The following ACTR6 variants were observed in gnomAD, a reference collection of about 807,000 sequenced individuals.
The protein encoded by ACTR6 is actin-related protein 6.
In ACTR6, 50 loss-of-function variants were observed where a neutral mutation model predicts 52.5. The observed-to-expected ratio is 0.95, with a 90% CI of 0.76 to 1.20. ACTR6 has a LOEUF of 1.20. ACTR6 is among the 50% of genes most tolerant of loss of function. The pLI is 0.00. For synonymous variants in ACTR6, 135 were observed against 147.2 expected, an observed-to-expected ratio of 0.92 and a Z score of 0.60; for missense variants, 344 against 472.4, an observed-to-expected ratio of 0.73 and a Z score of 2.52.
In ACTR6 at chr12:100,212,432, C is replaced by G; in HGVS notation, c.672-18C>G. 1 of 1,608,466 alleles carries G rather than the reference C, an allele frequency of 6.2e-7. No individual in the cohort carries two copies. Among genetic ancestry groups the G allele is most frequent in the Non-Finnish European group, 8.5e-7 (1 of 1,175,154 alleles). ...CACATAATTAGAATGTTTCATAAAT[C>G]TCAATTTTGTTTTCCAGGTTGAAAG... On this transcript the variant is annotated intron_variant, in intron 7 of 10. Transcript: ENST00000188312.
intron 2 of ACTR6, 149 bp downstream of exon 2, chr12:100,205,206 A>C: frequency 2.3e-4 from 109 of 468,352 alleles, no homozygotes; most frequent in Middle Eastern, 6.1e-4. Context: ...GGTAAAAATA[A>C]ACGACCATGA....
intron 1 of ACTR6, among the ~76,000 whole-genome samples, chr12:100,204,728 G>C (rs943795336): frequency 2.0e-5 from 3 of 152,148 alleles, no homozygotes; most frequent in African/African-American, 7.2e-5. Context: ...TGAACTCCTG[G>C]TCTCAAGCAA....
At chr12:100,213,370 C>A (rs1024069716) in intron 8 of ACTR6, among the ~76,000 whole-genome samples, 1 of 152,094 alleles carries the variant, frequency 6.6e-6, no homozygotes, top group Non-Finnish European at 1.5e-5. Flanking sequence ...GGATTACAGG[C>A]GTGAGCCACA....
At chr12:100,211,969 T>C (rs2096120228) in intron 6 of ACTR6, among the ~76,000 whole-genome samples, 1 of 152,238 alleles carries the variant, frequency 6.6e-6, no homozygotes, top group Non-Finnish European at 1.5e-5. Context: ...CTATTCAGAA[T>C]GGTTTGCGGG....
rs2096125731 is a variant in ACTR6 at position 100,218,732 on chromosome 12, A to G, written c.922+146A>G. On this transcript the variant is annotated intron_variant, in intron 9 of 10. Transcript: ENST00000188312. The surrounding 1 kb of genome is among the most constrained non-coding windows in gnomAD (Gnocchi z 4.2). ...GATTTGTAGATCCCATAATGCATTT[A>G]TATAATTCTTGATTCATCTTTGATT... 2.2e-6 allele frequency: 1 copy of G among 460,396 alleles called. No homozygotes were observed. Among genetic ancestry groups the G allele is most frequent in the Non-Finnish European group, 3.5e-6 (1 of 281,838 alleles). The allele number at this position is 460,396 out of a possible 1,614,324, so 28.5% of individuals were successfully genotyped here.
chr12:100,202,950 A>G (rs745394575), intron 1 of ACTR6, among the ~76,000 whole-genome samples: 6 of 152,092 alleles, frequency 3.9e-5, no homozygotes, highest in East Asian at 1.9e-4. Context: ...GTGGAAGACA[A>G]TTTTAACGTG....
At chr12:100,216,057 C>T (rs569261803) in intron 8 of ACTR6, among the ~76,000 whole-genome samples, 26 of 152,310 alleles carry the variant, frequency 1.7e-4, no homozygotes, top group Non-Finnish European at 2.6e-4. Context: ...ATAATGAATT[C>T]GACTGACCTA....
rs1334583377 is a variant in ACTR6, at chr12:100,218,334, A to T, written c.751-81A>T. 6 of 885,386 alleles carry T rather than the reference A, an allele frequency of 6.8e-6. No individual in the cohort carries two copies. In the Admixed American group the frequency reaches 1.8e-4, roughly 27 times the overall value. 54.8% of individuals were successfully genotyped at this position (885,386 alleles called of 1,614,324 possible). ...TAATATATTATTAATATATTATTGC[A>T]TATATAATTGCATATTACTAATTAT... On this transcript the variant is annotated intron_variant, in intron 8 of 10. Coordinates refer to ENST00000188312, the MANE Select transcript of ACTR6 (RefSeq NM_022496.5). This position sits in a 1 kb window ranked among gnomAD's most constrained non-coding sequence, Gnocchi z 4.2.
chr12:100,211,773 G>A (rs1191396533), intron 6 of ACTR6, among the ~76,000 whole-genome samples: 2 of 152,040 alleles, frequency 1.3e-5, no homozygotes, highest in Admixed American at 1.3e-4. Flanking sequence ...CAGCACTTTG[G>A]GAGGTGGAAA....
intron 8 of ACTR6, among the ~76,000 whole-genome samples, chr12:100,215,412 G>A (rs2153900666): frequency 6.6e-6 from 1 of 152,278 alleles, no homozygotes; most frequent in Middle Eastern, 3.4e-3. Context: ...TAAGCCAGTA[G>A]AGGTGTGGTT....
At chr12:100,220,264 A>T in intron 10 of ACTR6, 118 bp downstream of exon 10, 1 of 970,118 alleles carries the variant, frequency 1.0e-6, no homozygotes, top group Admixed American at 2.4e-5. Flanking sequence ...CACCTGCTGA[A>T]TATTCATTTT....
Position 100,207,708 on chromosome 12 carries a change from AACTTC to A in ACTR6, c.308_312del (p.Thr103AsnfsTer7), listed in dbSNP as rs747703780. ...TATTATTATCACTGAACCATACTTTAACTTCACTTCAATTCAAGAATCAATGAATG... is the reference window on the plus strand; with the variant it reads ...TATTATTATCACTGAACCATACTTTAACTTCAATTCAAGAATCAATGAATG... On this transcript the variant is annotated frameshift_variant, in exon 4 of 11. Coordinates refer to ENST00000188312, the MANE Select transcript of ACTR6 (RefSeq NM_022496.5). LOFTEE classifies it high-confidence loss of function. 26 of 1,586,160 alleles carry A rather than the reference AACTTC, an allele frequency of 1.6e-5. No individual in the cohort carries two copies. In the Admixed American group the frequency reaches 2.4e-4, roughly 14 times the overall value.
intron 10 of ACTR6, among the ~76,000 whole-genome samples, chr12:100,220,795 G>A (rs1030494273): frequency 1.2e-4 from 18 of 152,110 alleles, no homozygotes; most frequent in African/African-American, 4.1e-4. Context: ...AGGAGATTGA[G>A]ACCAGCCTGG....
At chr12:100,206,834 CTT>C (rs757011274) in intron 3 of ACTR6, among the ~76,000 whole-genome samples, 26 of 128,762 alleles carry the variant, frequency 2.0e-4, no homozygotes, top group Admixed American at 3.9e-4. Flanking sequence ...ACACCTGGCT[CTT>C]TTTTTTTTTT....
At chr12:100,203,149 C>T (rs139480139) in intron 1 of ACTR6, among the ~76,000 whole-genome samples, 202 of 152,222 alleles carry the variant, frequency 1.3e-3, no homozygotes, top group African/African-American at 4.7e-3. Context: ...ATGCTTACGG[C>T]CCCACCCTCC....
intron 10 of ACTR6, among the ~76,000 whole-genome samples, chr12:100,221,033 A>T (rs2096127864): frequency 6.6e-6 from 1 of 152,008 alleles, no homozygotes; most frequent in East Asian, 1.9e-4. Flanking sequence ...AAAACAAAAA[A>T]AGAAGGTAGA....
chr12:100,218,390 A>C lies in ACTR6; in HGVS notation c.751-25A>C. 1.3e-6 allele frequency: 2 copies of C among 1,593,672 alleles called. No individual in the cohort carries two copies. Among genetic ancestry groups the C allele is most frequent in the Non-Finnish European group, 1.7e-6 (2 of 1,169,244 alleles). ...ATGTGAGCTAGATAATATAACTTAA[A>C]CTTTTAATCTTCTTTGTCTTTAAGC... is the stretch of plus-strand genomic sequence containing the variant. On this transcript the variant is annotated intron_variant, in intron 8 of 10. Coordinates refer to ENST00000188312, the MANE Select transcript of ACTR6 (RefSeq NM_022496.5). The surrounding 1 kb of genome is among the most constrained non-coding windows in gnomAD (Gnocchi z 4.2).
At position 100,218,386 on chromosome 12, in the gene ACTR6, T is replaced by G. The variant is rs1397017898; in HGVS notation, c.751-29T>G. 3 of 1,590,766 alleles carry G rather than the reference T, an allele frequency of 1.9e-6. No homozygotes were observed. The highest frequency in any genetic ancestry group is 4.6e-5 in the East Asian group (2 of 43,926). Reference sequence around the variant, plus strand: ...AGTCATGTGAGCTAGATAATATAACTTAAACTTTTAATCTTCTTTGTCTTT... The same window carrying G: ...AGTCATGTGAGCTAGATAATATAACGTAAACTTTTAATCTTCTTTGTCTTT... On this transcript the variant is annotated intron_variant, in intron 8 of 10. Transcript: ENST00000188312. This position sits in a 1 kb window ranked among gnomAD's most constrained non-coding sequence, Gnocchi z 4.2.
rs1457538276 is a variant in ACTR6, at chr12:100,223,959, A to C, written c.*44A>C. 1 of 1,574,536 alleles carries C rather than the reference A, an allele frequency of 6.4e-7. No individual in the cohort carries two copies. Among genetic ancestry groups the C allele is most frequent in the Admixed American group, 2.0e-5 (1 of 50,444 alleles). On this transcript the variant is annotated 3_prime_UTR_variant, in exon 11 of 11. Transcript: ENST00000188312. ...AGTTGTGACCATAAGGTTTAATTTC[A>C]AAGTTCCTTTTAAAAGAGGTTAAGG...
Sources: gnomAD v4.1 joint callset for allele counts (sites outside exome capture counted in the v4.1 genomes callset) on GRCh38, gnomAD v4.1.1 for gene constraint, Gnocchi (gnomAD v3.1) non-coding constraint, MANE v1.5 for transcripts, NCBI Gene and HGNC (gene_info 2026-07-23, HGNC 2026-07-21) for gene names.